MARCHF11: variants seen among roughly 807,000 people sequenced by gnomAD.
MARCHF11 encodes the protein membrane associated ring-CH-type finger 11, also known as E3 ubiquitin-protein ligase MARCHF11.
Under a neutral mutation model 37.3 loss-of-function variants are expected in MARCHF11, and 29 were observed. The ratio of observed to expected loss-of-function variants is 0.78; its 90% confidence interval spans 0.58 to 1.06. MARCHF11 has a LOEUF of 1.06. MARCHF11 is among the 50% of genes least tolerant of loss of function. MARCHF11 has a pLI of 0.00. For missense variants in MARCHF11, 482 were observed against 533.4 expected (o/e 0.90, Z 0.95); for synonymous variants, 233 against 228.0 (o/e 1.02, Z -0.20).
chr5:16,145,226 G>A (rs1235610551), intron 2 of MARCHF11, among the ~76,000 whole-genome samples: 1 of 152,126 alleles, frequency 6.6e-6, no homozygotes, highest in Non-Finnish European at 1.5e-5. Flanking sequence ...GTTTGAATGT[G>A]TCCCCCAAAA....
chr5:16,081,443 A>C (rs1482886047), intron 3 of MARCHF11, among the ~76,000 whole-genome samples: 1 of 152,254 alleles, frequency 6.6e-6, no homozygotes, highest in Admixed American at 6.5e-5. Context: ...GTCATGAAAT[A>C]ATATTTTTAA....
intron 2 of MARCHF11, among the ~76,000 whole-genome samples, chr5:16,115,739 T>C (rs1225770994): frequency 6.6e-6 from 1 of 152,002 alleles, no homozygotes; most frequent in East Asian, 1.9e-4. Flanking sequence ...GAGATTCTCC[T>C]GCCTCAGCCT....
intron 2 of MARCHF11, among the ~76,000 whole-genome samples, chr5:16,147,698 C>CGT (rs1737822510): frequency 6.6e-6 from 1 of 151,818 alleles, no homozygotes. Flanking sequence ...AGTTATTCCA[C>CGT]GAGTCATTCC....
At chr5:16,102,836 CTT>C in intron 2 of MARCHF11, among the ~76,000 whole-genome samples, 1 of 152,300 alleles carries the variant, frequency 6.6e-6, no homozygotes, top group South Asian at 2.1e-4. Flanking sequence ...CCCAAAGGCA[CTT>C]GCCCTGGCTC....
intron 2 of MARCHF11, chr5:16,141,548 A>G (rs1737707983): frequency 6.6e-6 from 1 of 152,236 alleles, no homozygotes; most frequent in Non-Finnish European, 1.5e-5. Context: ...TTGGCAAAAT[A>G]AAAGAATGGA....
At chr5:16,071,857 A>G (rs1736442769) in intron 3 of MARCHF11, among the ~76,000 whole-genome samples, 1 of 152,202 alleles carries the variant, frequency 6.6e-6, no homozygotes, top group Admixed American at 6.5e-5. Flanking sequence ...TCAAGAACCT[A>G]TTCTGTGCCA....
intron 2 of MARCHF11, among the ~76,000 whole-genome samples, chr5:16,129,628 C>A: frequency 6.6e-6 from 1 of 152,042 alleles, no homozygotes; most frequent in Non-Finnish European, 1.5e-5. Context: ...AACTTGTTGG[C>A]TCAGCGATAT....
At chr5:16,080,844 A>G (rs986789418) in intron 3 of MARCHF11, among the ~76,000 whole-genome samples, 39 of 152,102 alleles carry the variant, frequency 2.6e-4, no homozygotes, top group African/African-American at 7.7e-4. Context: ...CACGCTACCA[A>G]ACACCTCTCT....
chr5:16,088,788 T>C (rs1736742094), intron 3 of MARCHF11, among the ~76,000 whole-genome samples: 1 of 152,154 alleles, frequency 6.6e-6, no homozygotes, highest in Admixed American at 6.5e-5. Flanking sequence ...AATGATAAAA[T>C]TAGGATTTGA....
intron 2 of MARCHF11, among the ~76,000 whole-genome samples, chr5:16,153,027 TG>T (rs1737914406): frequency 6.6e-6 from 1 of 151,966 alleles, no homozygotes; most frequent in African/African-American, 2.4e-5. Flanking sequence ...CTGCAGAGGA[TG>T]GAAACAGATG....
chr5:16,119,866 C>A (rs1737284765), intron 2 of MARCHF11, among the ~76,000 whole-genome samples: 1 of 152,184 alleles, frequency 6.6e-6, no homozygotes. Context: ...ATAAACAATG[C>A]AGAATGCAAT....
chr5:16,107,623 A>G (rs1232995545), intron 2 of MARCHF11, among the ~76,000 whole-genome samples: 2 of 152,132 alleles, frequency 1.3e-5, no homozygotes, highest in African/African-American at 4.8e-5. Flanking sequence ...AAGCCTGGAT[A>G]AACTCAGCCC....
chr5:16,163,596 T>G (rs182635195), intron 2 of MARCHF11, among the ~76,000 whole-genome samples: 329 of 152,116 alleles, frequency 2.2e-3, no homozygotes, highest in African/African-American at 7.3e-3. Flanking sequence ...AAAAATCAAA[T>G]AGGTTGAAAG....
At chr5:16,175,591 T>C (rs1738342246) in intron 2 of MARCHF11, among the ~76,000 whole-genome samples, 1 of 152,214 alleles carries the variant, frequency 6.6e-6, no homozygotes, top group African/African-American at 2.4e-5. Context: ...CCTCACCTCA[T>C]AGATTTGTCA....
At chr5:16,147,037 T>G (rs1737810124) in intron 2 of MARCHF11, among the ~76,000 whole-genome samples, 1 of 152,158 alleles carries the variant, frequency 6.6e-6, no homozygotes. Flanking sequence ...GGAAGTATTT[T>G]CTCAGATAAA....
chr5:16,098,343 T>C (rs929860443), intron 2 of MARCHF11, among the ~76,000 whole-genome samples: 2 of 152,192 alleles, frequency 1.3e-5, no homozygotes, highest in East Asian at 3.8e-4. Context: ...GAGAAAAGTA[T>C]AAAGATGATG....
chr5:16,142,594 G>T (rs1278532923), intron 2 of MARCHF11, among the ~76,000 whole-genome samples: 1 of 151,930 alleles, frequency 6.6e-6, no homozygotes, highest in East Asian at 1.9e-4. Context: ...TGAACTAGGG[G>T]ACTCGCACAT....
chr5:16,161,590 T>C (rs891319970), intron 2 of MARCHF11, among the ~76,000 whole-genome samples: 44 of 152,110 alleles, frequency 2.9e-4, no homozygotes, highest in African/African-American at 1.1e-3. Context: ...TCCTTTATAT[T>C]CATATTCATT....
At chr5:16,154,556 G>A (rs375823364) in intron 2 of MARCHF11, among the ~76,000 whole-genome samples, 7 of 151,224 alleles carry the variant, frequency 4.6e-5, no homozygotes, top group South Asian at 4.3e-4. Flanking sequence ...TACATTGTAA[G>A]TTATGTAACA....
Sources: allele counts gnomAD v4.1 joint callset (sites outside exome capture counted in the v4.1 genomes callset), GRCh38; gene constraint gnomAD v4.1.1; transcripts MANE v1.5; gene names NCBI Gene and HGNC (gene_info 2026-07-23, HGNC 2026-07-21).